Variants in SLC71A2 observed in about 807,000 individuals in gnomAD.
SLC71A2 encodes hippocampus abundant transcript-like 1.
the SLC71A2 span, among the ~76,000 whole-genome samples, chr9:94,435,789 G>A: frequency 6.6e-6 from 1 of 151,692 alleles, no homozygotes; most frequent in Non-Finnish European, 1.5e-5. Context: ...CGAGTAGCTG[G>A]GATTAGAGGT....
chr9:94,440,826 T>C, the SLC71A2 span, among the ~76,000 whole-genome samples: 1 of 152,214 alleles, frequency 6.6e-6, no homozygotes, highest in East Asian at 1.9e-4. Context: ...TACTTCTTCC[T>C]GTCTTAACTT....
the SLC71A2 span, among the ~76,000 whole-genome samples, chr9:94,442,437 C>T: frequency 6.6e-6 from 1 of 152,178 alleles, no homozygotes; most frequent in African/African-American, 2.4e-5. Flanking sequence ...TCCTGAATGT[C>T]CCTCTCATGT....
the SLC71A2 span, among the ~76,000 whole-genome samples, chr9:94,451,935 C>T: frequency 2.0e-5 from 3 of 152,342 alleles, no homozygotes; most frequent in South Asian, 2.1e-4. Flanking sequence ...TAAGTCTCCT[C>T]GGAAGCCACA....
the SLC71A2 span, among the ~76,000 whole-genome samples, chr9:94,411,847 T>C: frequency 6.6e-6 from 1 of 152,158 alleles, no homozygotes; most frequent in African/African-American, 2.4e-5. Flanking sequence ...TGCCTCAGCC[T>C]CCCGAAGTGC....
the SLC71A2 span, among the ~76,000 whole-genome samples, chr9:94,447,272 T>C: frequency 6.6e-6 from 1 of 151,902 alleles, no homozygotes; most frequent in Non-Finnish European, 1.5e-5. Context: ...CTCTACCTTC[T>C]GAGTTCAAGC....
chr9:94,446,783 G>T, the SLC71A2 span: 3 of 1,014,876 alleles, frequency 3.0e-6, no homozygotes, highest in Non-Finnish European at 4.7e-6. Context: ...ACATTAATGT[G>T]TATTGGCATT....
At chr9:94,382,672 T>C in the SLC71A2 span, among the ~76,000 whole-genome samples, 4 of 152,142 alleles carry the variant, frequency 2.6e-5, no homozygotes, top group African/African-American at 9.7e-5. Context: ...TTTTCTTTTT[T>C]TTTTAGACGG....
chr9:94,405,682 A>T, the SLC71A2 span, among the ~76,000 whole-genome samples: 2 of 152,022 alleles, frequency 1.3e-5, no homozygotes, highest in South Asian at 2.1e-4. Flanking sequence ...CCAGAACCAC[A>T]CTGTTTTGAT....
At chr9:94,405,516 A>G in the SLC71A2 span, among the ~76,000 whole-genome samples, 153 of 151,440 alleles carry the variant, frequency 1.0e-3, no homozygotes, top group African/African-American at 3.5e-3. Context: ...AAAAAAAAAA[A>G]AAGACTGGGC....
the SLC71A2 span, among the ~76,000 whole-genome samples, chr9:94,451,058 T>C: frequency 6.6e-6 from 1 of 152,162 alleles, no homozygotes; most frequent in Non-Finnish European, 1.5e-5. Context: ...ACATCATGAT[T>C]TTAATGTGCA....
At chr9:94,430,167 T>G in the SLC71A2 span, among the ~76,000 whole-genome samples, 1 of 151,244 alleles carries the variant, frequency 6.6e-6, no homozygotes, top group African/African-American at 2.4e-5. Context: ...CCTCCCAAAG[T>G]GCTGGGATTA....
the SLC71A2 span, among the ~76,000 whole-genome samples, chr9:94,425,038 A>G: frequency 0.15 from 23,017 of 151,240 alleles, 2,422 homozygotes; most frequent in Non-Finnish European, 0.22. Context: ...TTGTCCTACT[A>G]ATTTTAGCAT....
At chr9:94,393,729 G>T in the SLC71A2 span, among the ~76,000 whole-genome samples, 1 of 148,050 alleles carries the variant, frequency 6.8e-6, no homozygotes, top group African/African-American at 2.5e-5. Context: ...AATGTGCTTT[G>T]ATTAGGGCCC....
At chr9:94,445,139 C>G in the SLC71A2 span, 6 of 1,614,006 alleles carry the variant, frequency 3.7e-6, no homozygotes, top group Non-Finnish European at 5.1e-6. Flanking sequence ...AGACCGGTTT[C>G]CTGGGGAGCT....
At chr9:94,429,759 A>G in the SLC71A2 span, among the ~76,000 whole-genome samples, 1 of 151,972 alleles carries the variant, frequency 6.6e-6, no homozygotes, top group Non-Finnish European at 1.5e-5. Context: ...CACCGAGAAT[A>G]CTCGCCAGCG....
chr9:94,393,382 AAGGTCTAC>A, the SLC71A2 span, among the ~76,000 whole-genome samples: 1 of 48,824 alleles, frequency 2.0e-5, no homozygotes, highest in African/African-American at 7.0e-5. Context: ...TGGTCAAGTG[AAGGTCTAC>A]GCTTTGCTTT....
the SLC71A2 span, among the ~76,000 whole-genome samples, chr9:94,392,866 T>C: frequency 6.6e-6 from 1 of 151,410 alleles, no homozygotes; most frequent in African/African-American, 2.4e-5. Context: ...TAAGGCATCT[T>C]ATCTAGATTT....
the SLC71A2 span, chr9:94,440,921 C>G: frequency 1.1e-6 from 1 of 924,186 alleles, no homozygotes. Flanking sequence ...ATGTCTTTGG[C>G]TCAGGTAATG....
the SLC71A2 span, among the ~76,000 whole-genome samples, chr9:94,450,961 G>A: frequency 6.6e-6 from 1 of 152,136 alleles, no homozygotes; most frequent in Non-Finnish European, 1.5e-5. Flanking sequence ...CATACCGCCA[G>A]AGAGCCTGAT....
Sources: gnomAD v4.1 joint callset for allele counts (sites outside exome capture counted in the v4.1 genomes callset) on GRCh38, gnomAD v4.1.1 for gene constraint, MANE v1.5 for transcripts, NCBI Gene and HGNC (gene_info 2026-07-23, HGNC 2026-07-21) for gene names.